The following COMMD1 variants were observed in gnomAD, a reference collection of about 807,000 sequenced individuals.
COMMD1 encodes COMM domain-containing protein 1.
In COMMD1, 10 loss-of-function variants were observed where a neutral mutation model predicts 17.2. That is an observed-to-expected ratio of 0.58 (90% CI 0.36 to 0.99). The LOEUF is 0.99. Ranked by LOEUF, COMMD1 falls within the 50% of genes least tolerant of loss-of-function variation. The pLI, the probability that COMMD1 is intolerant of heterozygous loss-of-function variation, is 0.01. For missense variants in COMMD1, 270 were observed against 231.8 expected (o/e 1.17, Z -1.07); for synonymous variants, 97 against 91.6 (o/e 1.06, Z -0.34).
chr2:61,909,215 C>T (rs1297854548), intron 1 of COMMD1, among the ~76,000 whole-genome samples: 3 of 152,130 alleles, frequency 2.0e-5, no homozygotes, highest in East Asian at 1.9e-4. Context: ...CATGAGCCAC[C>T]GCGCCTGGCA....
intron 2 of COMMD1, among the ~76,000 whole-genome samples, chr2:62,119,676 C>T (rs186767210): frequency 1.3e-5 from 2 of 152,264 alleles, no homozygotes; most frequent in East Asian, 3.9e-4. Flanking sequence ...TTAGAGAAAC[C>T]ACATTGAGAA....
intron 1 of COMMD1, among the ~76,000 whole-genome samples, chr2:61,965,492 TGTAAGCACA>T (rs1332218801): frequency 6.6e-5 from 10 of 152,230 alleles, no homozygotes; most frequent in African/African-American, 2.4e-4. Context: ...CCCACTAGAC[TGTAAGCACA>T]GTAAGAGTGG....
chr2:62,110,510 C>T (rs183217085), intron 2 of COMMD1, among the ~76,000 whole-genome samples: 1 of 152,234 alleles, frequency 6.6e-6, no homozygotes, highest in Admixed American at 6.5e-5. Flanking sequence ...CTGACTGCCC[C>T]AAGTCAAACG....
At chr2:61,940,299 A>T (rs1670709505) in intron 1 of COMMD1, among the ~76,000 whole-genome samples, 1 of 152,228 alleles carries the variant, frequency 6.6e-6, no homozygotes, top group Non-Finnish European at 1.5e-5. Context: ...ATAGTACTAG[A>T]TAGGGAAAAC....
chr2:61,971,194 C>T (rs375862450), intron 1 of COMMD1, among the ~76,000 whole-genome samples: 136 of 152,338 alleles, frequency 8.9e-4, no homozygotes, highest in African/African-American at 1.0e-3. Flanking sequence ...TTTACTTCTG[C>T]GCAGAGGGGT....
intron 2 of COMMD1, among the ~76,000 whole-genome samples, chr2:62,008,304 G>A (rs995925652): frequency 1.3e-5 from 2 of 152,118 alleles, no homozygotes; most frequent in African/African-American, 4.8e-5. Flanking sequence ...AGGGGAAGCA[G>A]CAAAGTTGCG....
At chr2:61,906,279 G>A (rs187022196) in intron 1 of COMMD1, among the ~76,000 whole-genome samples, 2 of 152,338 alleles carry the variant, frequency 1.3e-5, no homozygotes, top group Admixed American at 1.3e-4. Context: ...TAGCCCGAGT[G>A]ACATCTGTCA....
chr2:61,912,109 A>G (rs1357909803), intron 1 of COMMD1, among the ~76,000 whole-genome samples: 1 of 152,106 alleles, frequency 6.6e-6, no homozygotes, highest in African/African-American at 2.4e-5. Flanking sequence ...CTGAAATTAT[A>G]TTATGTATTT....
At chr2:62,004,561 C>A (rs552559646) in intron 2 of COMMD1, among the ~76,000 whole-genome samples, 13 of 152,268 alleles carry the variant, frequency 8.5e-5, no homozygotes, top group Non-Finnish European at 1.9e-4. Flanking sequence ...CTCGGCCTCC[C>A]AAAGTGCTGG....
At chr2:62,123,510 A>T (rs1423706940) in intron 2 of COMMD1, among the ~76,000 whole-genome samples, 1 of 147,812 alleles carries the variant, frequency 6.8e-6, no homozygotes, top group Non-Finnish European at 1.5e-5. Flanking sequence ...TGAAAAAAAA[A>T]TTAAAAAAAA....
intron 2 of COMMD1, among the ~76,000 whole-genome samples, chr2:62,022,345 C>CTT (rs768066931): frequency 7.1e-6 from 1 of 140,760 alleles, no homozygotes; most frequent in Non-Finnish European, 1.6e-5. Context: ...GGTTTTGCTC[C>CTT]TTTTTTTTTT....
rs185989849 is a variant in COMMD1 at position 61,906,830 on chromosome 2, T to A, written c.180+972T>A. Among the ~76,000 whole-genome samples, 33 of 152,366 alleles carry A rather than the reference T, an allele frequency of 2.2e-4. No homozygotes were observed. In the East Asian group the frequency reaches 6.0e-3, roughly 28 times the overall value. On this transcript the variant is annotated intron_variant, in intron 1 of 2. Transcript: ENST00000311832. ...AATCTAAACAGCCTAAAATTCATTT[T>A]GATTAAAGTCAGTGTTGAAATTTAA...
chr2:62,005,170 A>G (rs1351028504), intron 2 of COMMD1, among the ~76,000 whole-genome samples: 2 of 152,240 alleles, frequency 1.3e-5, no homozygotes, highest in South Asian at 2.1e-4. Context: ...AGATGATTTC[A>G]GTATCCAGGG....
intron 1 of COMMD1, among the ~76,000 whole-genome samples, chr2:61,910,427 A>G (rs1669875492): frequency 6.6e-6 from 1 of 152,004 alleles, no homozygotes; most frequent in Non-Finnish European, 1.5e-5. Flanking sequence ...TTTGTATTTT[A>G]GTAGAGATGG....
chr2:62,104,912 G>A (rs1227910076), intron 2 of COMMD1, among the ~76,000 whole-genome samples: 2 of 151,934 alleles, frequency 1.3e-5, no homozygotes, highest in Non-Finnish European at 2.9e-5. Flanking sequence ...GATCACCCGA[G>A]GTCAGGAGTT....
chr2:61,967,620 T>G (rs1238237228), intron 1 of COMMD1, among the ~76,000 whole-genome samples: 1 of 152,180 alleles, frequency 6.6e-6, no homozygotes, highest in Non-Finnish European at 1.5e-5. Flanking sequence ...AACTATAACT[T>G]AGGCCACAGA....
chr2:62,101,302 G>A (rs575902304), intron 2 of COMMD1, among the ~76,000 whole-genome samples: 4 of 152,170 alleles, frequency 2.6e-5, no homozygotes, highest in African/African-American at 9.6e-5. Context: ...CCCCATTTTG[G>A]ATGCCAGTCA....
At chr2:61,941,433 G>A (rs1455164005) in intron 1 of COMMD1, among the ~76,000 whole-genome samples, 2 of 152,194 alleles carry the variant, frequency 1.3e-5, no homozygotes, top group African/African-American at 4.8e-5. Flanking sequence ...CCATGTAAAA[G>A]GGGCCCCTTT....
At chr2:62,052,237 C>A (rs1670556919) in intron 2 of COMMD1, among the ~76,000 whole-genome samples, 1 of 152,090 alleles carries the variant, frequency 6.6e-6, no homozygotes, top group Admixed American at 6.5e-5. Flanking sequence ...GATTGCTTGA[C>A]CCCAGGAGTT....
Sources: gnomAD v4.1 joint callset for allele counts (sites outside exome capture counted in the v4.1 genomes callset) on GRCh38, gnomAD v4.1.1 for gene constraint, MANE v1.5 for transcripts, NCBI Gene and HGNC (gene_info 2026-07-23, HGNC 2026-07-21) for gene names.